Variants in EXT1 observed in about 807,000 individuals in gnomAD.
EXT1 encodes exostosin-1.
Under a neutral mutation model 82.5 loss-of-function variants are expected in EXT1, and 20 were observed. The ratio of observed to expected loss-of-function variants is 0.24; its 90% CI spans 0.17 to 0.35. The LOEUF is 0.35. Ranked by LOEUF, EXT1 falls within the 10% of genes least tolerant of loss-of-function variation. The pLI is 1.00. For missense variants in EXT1, 757 were observed against 936.5 expected (o/e 0.81, Z 2.50); for synonymous variants, 348 against 350.8 (o/e 0.99, Z 0.09).
chr8:118,055,702 T>C (rs770150114), intron 1 of EXT1, among the ~76,000 whole-genome samples: 5 of 152,214 alleles, frequency 3.3e-5, no homozygotes, highest in Non-Finnish European at 7.3e-5. Flanking sequence ...ATCAATATAA[T>C]AGAGCCTCCT....
intron 4 of EXT1, among the ~76,000 whole-genome samples, chr8:117,822,935 A>C (rs939015139): frequency 6.6e-6 from 1 of 152,146 alleles, no homozygotes; most frequent in African/African-American, 2.4e-5. Context: ...TTAAACTTCT[A>C]AGAACTAAGA....
intron 1 of EXT1, among the ~76,000 whole-genome samples, chr8:117,915,645 A>G (rs1000564707): frequency 2.0e-5 from 3 of 152,202 alleles, no homozygotes; most frequent in Admixed American, 6.5e-5. Flanking sequence ...ACCTGAGGTG[A>G]GGAGTTCGAG....
chr8:118,028,979 T>G (rs1289807010), intron 1 of EXT1, among the ~76,000 whole-genome samples: 1 of 152,152 alleles, frequency 6.6e-6, no homozygotes, highest in Non-Finnish European at 1.5e-5. Context: ...GTAAGATATA[T>G]TCACCATAAA....
chr8:118,040,376 G>C (rs1816507405), intron 1 of EXT1, among the ~76,000 whole-genome samples: 1 of 152,112 alleles, frequency 6.6e-6, no homozygotes, highest in Non-Finnish European at 1.5e-5. Context: ...GTATCTGTTT[G>C]GGTTCTTGAT....
intron 1 of EXT1, among the ~76,000 whole-genome samples, chr8:117,927,833 G>T (rs1490807370): frequency 6.6e-6 from 1 of 152,140 alleles, no homozygotes; most frequent in Non-Finnish European, 1.5e-5. Flanking sequence ...AACAATTTTT[G>T]AACAAAAGGT....
chr8:117,927,378 G>C (rs868535946), intron 1 of EXT1, among the ~76,000 whole-genome samples: 12 of 7,156 alleles, frequency 1.7e-3, no homozygotes, highest in African/African-American at 7.6e-3. Flanking sequence ...ACCTTATTAA[G>C]TACTATTTTG....
intron 1 of EXT1, among the ~76,000 whole-genome samples, chr8:117,982,068 TA>T (rs1815217866): frequency 6.6e-6 from 1 of 152,232 alleles, no homozygotes; most frequent in South Asian, 2.1e-4. Context: ...CACAGCAACT[TA>T]AAACAACACC....
chr8:117,968,553 ATTTTTTTTTTTTTTTTTTTTTTTTTTT>A (rs1182180428), intron 1 of EXT1, among the ~76,000 whole-genome samples: 1 of 9,308 alleles, frequency 1.1e-4, no homozygotes, highest in Non-Finnish European at 1.5e-4. Flanking sequence ...TTATTTATTT[ATTTTTTTTTTTTTTTTTTTTTTTTTTT>A]TTTTTTTGAG....
At chr8:118,059,567 G>T (rs998661735) in intron 1 of EXT1, among the ~76,000 whole-genome samples, 1 of 152,166 alleles carries the variant, frequency 6.6e-6, no homozygotes, top group Non-Finnish European at 1.5e-5. Context: ...CACAGGGTTT[G>T]GAACTCCACA....
chr8:117,915,855 C>CAAATAAAACA (rs71569751), intron 1 of EXT1, among the ~76,000 whole-genome samples: 3 of 148,722 alleles, frequency 2.0e-5, no homozygotes, highest in African/African-American at 7.4e-5. Flanking sequence ...GACTCTGTCT[C>CAAATAAAACA]AAACAAAACA....
At chr8:118,045,857 A>G (rs1182165728) in intron 1 of EXT1, among the ~76,000 whole-genome samples, 1 of 151,248 alleles carries the variant, frequency 6.6e-6, no homozygotes, top group Non-Finnish European at 1.5e-5. Flanking sequence ...GTGCAGTGGC[A>G]TGATCTCAGC....
intron 1 of EXT1, among the ~76,000 whole-genome samples, chr8:117,848,703 A>G (rs1238723129): frequency 6.6e-6 from 1 of 152,174 alleles, no homozygotes; most frequent in East Asian, 1.9e-4. Flanking sequence ...AGTGACAGCC[A>G]GAGTCTCCTC....
In EXT1 at chr8:117,996,928, A is replaced by T. The variant is rs74381579; in HGVS notation, c.962+113157T>A. Among the ~76,000 whole-genome samples the T allele has an allele frequency of 9.8e-5, 15 of 152,330 alleles. No individual in the cohort carries two copies. The East Asian group carries it at 1.7e-3, about 18-fold the overall frequency. On this transcript the variant is annotated intron_variant, in intron 1 of 10. Transcript: ENST00000378204. ...TTCCATCACTATCTCTTGTAGGTACAGGCCAGCAGAGCACTACTTTAATTC... is the reference window on the plus strand; with the variant it reads ...TTCCATCACTATCTCTTGTAGGTACTGGCCAGCAGAGCACTACTTTAATTC...
intron 1 of EXT1, among the ~76,000 whole-genome samples, chr8:117,907,257 G>A (rs961963196): frequency 6.6e-6 from 1 of 152,192 alleles, no homozygotes; most frequent in African/African-American, 2.4e-5. Flanking sequence ...GTCCATCTAA[G>A]AGTTTAGCAA....
chr8:117,810,897 C>T (rs765454760), intron 8 of EXT1, among the ~76,000 whole-genome samples: 3 of 152,150 alleles, frequency 2.0e-5, no homozygotes, highest in Non-Finnish European at 4.4e-5. Context: ...CTCCCTCTCT[C>T]CTTTGCCATT....
intron 1 of EXT1, among the ~76,000 whole-genome samples, chr8:118,009,597 C>T (rs890455437): frequency 6.6e-6 from 1 of 152,228 alleles, no homozygotes; most frequent in Non-Finnish European, 1.5e-5. Flanking sequence ...TGTTAGGAAC[C>T]GGGCTGCAAA....
chr8:117,959,259 C>G (rs1283574626), intron 1 of EXT1, among the ~76,000 whole-genome samples: 1 of 152,116 alleles, frequency 6.6e-6, no homozygotes, highest in Admixed American at 6.5e-5. Context: ...GCCTAGCACC[C>G]AAGGCCGGCC....
rs150333008 is a variant in EXT1, at chr8:117,828,189, A to G, written c.1284+2041T>C. 3.1e-3 allele frequency among the ~76,000 whole-genome samples: 475 copies of G among 152,310 alleles called. 3 individuals are homozygous for G. The highest frequency in any genetic ancestry group is 0.011 in the African/African-American group (452 of 41,568). On this transcript the variant is annotated intron_variant, in intron 4 of 10. Transcript: ENST00000378204. ...AATATATATGTTTGTGGGGATATAT[A>G]TATCAATAGTGGTTTTACATGAATG...
intron 1 of EXT1, among the ~76,000 whole-genome samples, chr8:117,995,511 C>T (rs867138532): frequency 7.2e-5 from 11 of 152,006 alleles, no homozygotes; most frequent in South Asian, 4.2e-4. Context: ...AAATGAAGGA[C>T]GTGGTTGGCA....
Sources: allele counts gnomAD v4.1 joint callset (sites outside exome capture counted in the v4.1 genomes callset), GRCh38; gene constraint gnomAD v4.1.1; transcripts MANE v1.5; gene names NCBI Gene and HGNC (gene_info 2026-07-23, HGNC 2026-07-21).